The following TECPR1 variants were observed in gnomAD, a reference collection of about 807,000 sequenced individuals.
TECPR1 encodes the protein tectonin beta-propeller repeat-containing protein 1.
Under a neutral mutation model 162.4 loss-of-function variants are expected in TECPR1, and 122 were observed. That is an observed-to-expected ratio of 0.75 (90% CI 0.65 to 0.87). The LOEUF (loss-of-function observed/expected upper bound fraction) is 0.87, where lower values mean the gene tolerates loss of function less well. Ranked by LOEUF, TECPR1 falls within the 40% of genes least tolerant of loss-of-function variation. TECPR1 has a pLI of 0.00. For missense variants in TECPR1, 1,432 were observed against 1,618.2 expected, an observed-to-expected ratio of 0.88 and a Z score of 1.97; for synonymous variants, 642 against 670.6, an observed-to-expected ratio of 0.96 and a Z score of 0.66.
intron 2 of TECPR1, among the ~76,000 whole-genome samples, chr7:98,248,883 C>A (rs7796762): frequency 6.7e-6 from 1 of 148,212 alleles, no homozygotes; most frequent in Non-Finnish European, 1.5e-5. Context: ...TCTTTGGGGA[C>A]AAGGTGCATC....
At chr7:98,230,834 G>A (rs924262165) in intron 15 of TECPR1, 127 bp downstream of exon 15, 26 of 1,266,858 alleles carry the variant, frequency 2.1e-5, no homozygotes, top group East Asian at 5.0e-5. Flanking sequence ...ACCAGTGGCC[G>A]TGCCTCTGCC....
rs117561446 is a variant in TECPR1 at position 98,219,907 on chromosome 7, A to T, written c.3157+1754T>A. 8.7e-4 allele frequency among the ~76,000 whole-genome samples: 131 copies of T among 150,810 alleles called. 1 individual carries two copies. The East Asian group carries it at 0.019, about 21-fold the overall frequency. Reference sequence around the variant, plus strand: ...CAAGAGCAGAACTCCATCTCAAATTAAAAAAAAAGAAGATATACAAATGAC... The same window carrying T: ...CAAGAGCAGAACTCCATCTCAAATTTAAAAAAAAGAAGATATACAAATGAC... On this transcript the variant is annotated intron_variant, in intron 23 of 25. Coordinates refer to ENST00000447648, the MANE Select transcript of TECPR1 (RefSeq NM_015395.3).
chr7:98,222,330 A>T, intron 22 of TECPR1, 56 bp downstream of exon 22: 1 of 1,568,730 alleles, frequency 6.4e-7, no homozygotes, highest in Non-Finnish European at 8.7e-7. Flanking sequence ...TGTTCAGCAA[A>T]CATCAGCTTG....
chr7:98,242,930 GCCCATCCACACACCCACCCA>G (rs1798799848), intron 6 of TECPR1, among the ~76,000 whole-genome samples: 2 of 5,498 alleles, frequency 3.6e-4, no homozygotes, highest in African/African-American at 4.9e-4. Context: ...ACACCCATCC[GCCCATCCACACACCCACCCA>G]CCCATCCATC....
chr7:98,219,349 A>G (rs1465658303), intron 23 of TECPR1, among the ~76,000 whole-genome samples: 1 of 152,232 alleles, frequency 6.6e-6, no homozygotes, highest in Non-Finnish European at 1.5e-5. Flanking sequence ...TCTGACTAAG[A>G]TTCCAAAAGC....
At chr7:98,235,752 C>T (rs1378772213) in intron 10 of TECPR1, among the ~76,000 whole-genome samples, 1 of 149,132 alleles carries the variant, frequency 6.7e-6, no homozygotes, top group Non-Finnish European at 1.5e-5. Context: ...ATCACTTGGG[C>T]CCAGGAGTTT....
At chr7:98,218,188 A>G in intron 23 of TECPR1, 146 bp from the exon 24 acceptor site, 1 of 640,864 alleles carries the variant, frequency 1.6e-6, no homozygotes, top group Non-Finnish European at 2.7e-6. Context: ...CTGGCCCCTG[A>G]GTCAGGGCCA....
chr7:98,226,697 G>T, intron 17 of TECPR1: 1 of 1,212,198 alleles, frequency 8.2e-7, no homozygotes, highest in Non-Finnish European at 1.1e-6. Flanking sequence ...CAACACTTTG[G>T]GAGGCTGAGG....
rs547493390 is a variant in TECPR1 at position 98,236,829 on chromosome 7, G to A, written c.1128C>T (p.Ile376=). The change falls in exon 10 of 26, where the codon ATC becomes ATT. Residue 376 remains isoleucine (I), a synonymous_variant. Coordinates refer to ENST00000447648, the MANE Select transcript of TECPR1 (RefSeq NM_015395.3). ...ELSGKTWKAI[I]AARECDRSHS... Reference sequence around the variant, plus strand: ...GTGACCGGTCACACTCTCGGGCCGCGATGATGGCTTTCCAGGTCTTCCCAC... The same window carrying A: ...GTGACCGGTCACACTCTCGGGCCGCAATGATGGCTTTCCAGGTCTTCCCAC... 199 of 1,588,616 alleles carry A rather than the reference G, an allele frequency of 1.3e-4. 3 individuals carry two copies. The South Asian group carries it at 2.1e-3, about 17-fold the overall frequency.
At chr7:98,236,491 G>A (rs1403630778) in intron 10 of TECPR1, among the ~76,000 whole-genome samples, 1 of 151,766 alleles carries the variant, frequency 6.6e-6, no homozygotes, top group Non-Finnish European at 1.5e-5. Context: ...CCTCCATCAC[G>A]ACAGCCCAGC....
rs1167032184 is a variant in TECPR1, at chr7:98,241,611, A to G, written c.658-367T>C. 6.6e-6 allele frequency among the ~76,000 whole-genome samples: 1 copy of G among 152,172 alleles called. No homozygotes were observed. Among genetic ancestry groups the G allele is most frequent in the Non-Finnish European group, 1.5e-5 (1 of 68,022 alleles). On this transcript the variant is annotated intron_variant, in intron 6 of 25. Coordinates refer to ENST00000447648, the MANE Select transcript of TECPR1 (RefSeq NM_015395.3). The surrounding 1 kb of genome is among the most constrained non-coding windows in gnomAD (Gnocchi z 5.0). ...CCAGGGGAGGCTCCAACTCCCATTC[A>G]TAAACTATCTAAGACGTCAGTTCTT...
chr7:98,242,766 TCCACCCAC>T (rs1317944382), intron 6 of TECPR1, among the ~76,000 whole-genome samples: 1 of 28,236 alleles, frequency 3.5e-5, no homozygotes, highest in African/African-American at 1.5e-4. Flanking sequence ...CACCCACCCA[TCCACCCAC>T]CCACCCATCC....
chr7:98,236,698 C>A, intron 10 of TECPR1, 78 bp downstream of exon 10: 1 of 1,525,642 alleles, frequency 6.6e-7, no homozygotes, highest in South Asian at 1.2e-5. Flanking sequence ...CAGGTGGCAG[C>A]CTCTTCTGGA....
chr7:98,243,459 G>T lies in TECPR1; in HGVS notation c.657+8C>A. Reference sequence around the variant, plus strand: ...GGGAGCCAGGGCAGGGAGAGGGGTTGGCCTTACCTTGCCCTGCAGAGACAC... The same window carrying T: ...GGGAGCCAGGGCAGGGAGAGGGGTTTGCCTTACCTTGCCCTGCAGAGACAC... On this transcript the variant is annotated splice_region_variant and intron_variant, in intron 6 of 25. Transcript: ENST00000447648. The T allele has an allele frequency of 4.3e-6, 7 of 1,612,072 alleles. No individual in the cohort carries two copies. Among genetic ancestry groups the T allele is most frequent in the Non-Finnish European group, 5.9e-6 (7 of 1,179,738 alleles).
At chr7:98,242,172 C>A (rs543913577) in intron 6 of TECPR1, among the ~76,000 whole-genome samples, 119 of 152,306 alleles carry the variant, frequency 7.8e-4, no homozygotes, top group Non-Finnish European at 2.4e-4. Context: ...GGGGCTGCGA[C>A]AAAACTGGCA....
chr7:98,224,705 G>A (rs1422287381), intron 19 of TECPR1, 96 bp downstream of exon 19: 11 of 1,240,724 alleles, frequency 8.9e-6, no homozygotes, highest in South Asian at 1.4e-5. Context: ...AGGGGGCAGG[G>A]TTCAGCCTGG....
intron 10 of TECPR1, among the ~76,000 whole-genome samples, chr7:98,235,849 A>AAACAAAAACAAC (rs1554401446): frequency 9.1e-5 from 10 of 110,312 alleles, no homozygotes; most frequent in South Asian, 2.6e-4. Context: ...AAAAAAAAAA[A>AAACAAAAACAAC]AACACCATCT....
intron 15 of TECPR1, among the ~76,000 whole-genome samples, chr7:98,229,957 T>TC (rs5886054): frequency 2.4e-4 from 35 of 145,994 alleles, no homozygotes; most frequent in East Asian, 1.5e-3. Context: ...TCAGCTCAGA[T>TC]CCCCCCCCCA....
At position 98,224,865 on chromosome 7, in the gene TECPR1, C is replaced by T. The variant is rs773427094; in HGVS notation, c.2626G>A (p.Val876Met). The T allele has an allele frequency of 7.7e-6, 12 of 1,564,952 alleles. No individual in the cohort carries two copies. The highest frequency in any genetic ancestry group is 1.0e-5 in the Non-Finnish European group (12 of 1,155,230). The change falls in exon 19 of 26, where the codon GTG becomes ATG. Residue 876 changes from valine (V) to methionine (M), a missense_variant. Transcript: ENST00000447648. The stretch of plus-strand genomic sequence containing the variant: ...GTGCCCCCCGGAACGCTGAAATCCA[C>T]GAACCAGTCGGAAACCTGGGAGGAG... Reference protein sequence around the residue: ...LQWAWVSDWFVDFSVPGGTDQ... With the variant: ...LQWAWVSDWFMDFSVPGGTDQ...
Sources: gnomAD v4.1 joint callset for allele counts (sites outside exome capture counted in the v4.1 genomes callset) on GRCh38, gnomAD v4.1.1 for gene constraint, Gnocchi (gnomAD v3.1) non-coding constraint, MANE v1.5 for transcripts, NCBI Gene and HGNC (gene_info 2026-07-23, HGNC 2026-07-21) for gene names.